Variants in TTI1 observed in about 807,000 individuals in gnomAD.
TTI1 encodes the protein TELO2 interacting protein 1.
In TTI1, 52 loss-of-function variants were observed where a neutral mutation model predicts 85.4. The ratio of observed to expected loss-of-function variants is 0.61; its 90% CI spans 0.49 to 0.77. The LOEUF (loss-of-function observed/expected upper bound fraction) is 0.77, where lower values mean the gene tolerates loss of function less well. Among genes scored for constraint, TTI1 ranks in the 30% least tolerant of loss-of-function variants. The pLI, the probability that TTI1 is intolerant of heterozygous loss-of-function variation, is 0.00. For missense variants in TTI1, 1,173 were observed against 1,296.0 expected, an observed-to-expected ratio of 0.91 and a Z score of 1.46; for synonymous variants, 512 against 503.9, an observed-to-expected ratio of 1.02 and a Z score of -0.22.
chr20:38,006,815 C>T (rs969601896), intron 2 of TTI1, among the ~76,000 whole-genome samples: 3 of 152,136 alleles, frequency 2.0e-5, no homozygotes, highest in African/African-American at 2.4e-5. Context: ...TATATATTTG[C>T]GTATCTATTT....
chr20:38,000,250 C>T (rs998250419), intron 4 of TTI1, among the ~76,000 whole-genome samples: 5 of 152,074 alleles, frequency 3.3e-5, no homozygotes, highest in Non-Finnish European at 5.9e-5. Flanking sequence ...GAAAGTTGGG[C>T]GGCTAGGGGA....
At chr20:37,997,251 T>TAA (rs200125660) in intron 5 of TTI1, among the ~76,000 whole-genome samples, 18 of 143,358 alleles carry the variant, frequency 1.3e-4, no homozygotes, top group South Asian at 1.1e-3. Flanking sequence ...CCATTTTTGT[T>TAA]AAAAAAAAAA....
rs1358540417 is a variant in TTI1 at position 38,006,292 on chromosome 20, G to A, written c.2408C>T (p.Thr803Ile). The stretch of plus-strand genomic sequence containing the variant: ...CTGTTCGATGTCTTCAGCTGTGGTG[G>A]TGCTCTTCTCAAGAGCTGCTGGTCT... Reference protein sequence around the residue: ...NQRPAALEKSTTTAEDIEQFL... With the variant: ...NQRPAALEKSITTAEDIEQFL... The change falls in exon 3 of 8, where the codon ACC (threonine) becomes ATC (isoleucine). Residue 803 changes from threonine to isoleucine, a missense_variant. Thr to Ile is a moderately conservative substitution (Grantham distance 89). Transcript: ENST00000373447. The A allele has an allele frequency of 3.7e-6, 6 of 1,614,008 alleles. No individual in the cohort carries two copies. Among genetic ancestry groups the A allele is most frequent in the South Asian group, 1.1e-5 (1 of 91,072 alleles).
intron 1 of TTI1, among the ~76,000 whole-genome samples, chr20:38,018,536 C>A (rs532961591): frequency 6.6e-6 from 1 of 152,032 alleles, no homozygotes; most frequent in Admixed American, 6.5e-5. Flanking sequence ...AGAAGCAATA[C>A]TAAAATGTTC....
At chr20:38,011,154 A>G (rs895755805) in intron 2 of TTI1, among the ~76,000 whole-genome samples, 2 of 152,244 alleles carry the variant, frequency 1.3e-5, no homozygotes, top group Non-Finnish European at 2.9e-5. Flanking sequence ...GCAGTTTGCT[A>G]TACTGGAAAG....
intron 3 of TTI1, among the ~76,000 whole-genome samples, chr20:38,003,388 G>A (rs2073452899): frequency 6.6e-6 from 1 of 152,082 alleles, no homozygotes; most frequent in African/African-American, 2.4e-5. Context: ...ATGAGAGGAA[G>A]TACAGCAAAA....
At chr20:38,021,602 T>C (rs1172888909) in intron 1 of TTI1, among the ~76,000 whole-genome samples, 6 of 152,178 alleles carry the variant, frequency 3.9e-5, no homozygotes, top group Non-Finnish European at 1.5e-5. Flanking sequence ...AACATAAGCA[T>C]GAGCAAACAG....
intron 1 of TTI1, among the ~76,000 whole-genome samples, 158 bp downstream of exon 1, chr20:38,033,244 CAT>C (rs1266506589): frequency 6.6e-6 from 1 of 152,156 alleles, no homozygotes; most frequent in Non-Finnish European, 1.5e-5. Flanking sequence ...GAGCCGAACA[CAT>C]ATGGAGGAAA....
At chr20:38,026,786 C>T (rs2073841670) in intron 1 of TTI1, among the ~76,000 whole-genome samples, 1 of 152,182 alleles carries the variant, frequency 6.6e-6, no homozygotes, top group Non-Finnish European at 1.5e-5. Context: ...TTTCCTTATC[C>T]TCTTGAGTTT....
At position 37,996,368 on chromosome 20, in the gene TTI1, G is replaced by A. The variant is rs745996457; in HGVS notation, c.3086+7C>T. 1.2e-6 allele frequency: 2 copies of A among 1,614,100 alleles called. No homozygotes were observed. Among genetic ancestry groups the A allele is most frequent in the Non-Finnish European group, 1.7e-6 (2 of 1,179,984 alleles). On this transcript the variant is annotated splice_region_variant and intron_variant, in intron 7 of 7. Transcript: ENST00000373447. The stretch of plus-strand genomic sequence containing the variant: ...GTAAAGGGATGCGGGTGATCAGGCA[G>A]ACGTACCTCCTGGCAGCCTCTTGTA...
intron 4 of TTI1, among the ~76,000 whole-genome samples, chr20:38,002,324 T>A (rs1035650900): frequency 7.2e-5 from 11 of 152,186 alleles, no homozygotes; most frequent in Non-Finnish European, 1.5e-4. Flanking sequence ...ACCTGCATCC[T>A]ACATAGCTGA....
chr20:38,030,220 G>C (rs945804483), intron 1 of TTI1, among the ~76,000 whole-genome samples: 15 of 150,080 alleles, frequency 1.0e-4, no homozygotes, highest in African/African-American at 3.4e-4. Context: ...AGGGAAGGAA[G>C]GGAGGGAGGG....
chr20:38,020,319 AAAAAATATATATATATAT>A (rs1450639183), intron 1 of TTI1, among the ~76,000 whole-genome samples: 2 of 44,166 alleles, frequency 4.5e-5, no homozygotes, highest in African/African-American at 2.5e-4. Flanking sequence ...TGAAAAAAAA[AAAAAATATATATATATAT>A]ATATATATAT....
intron 1 of TTI1, among the ~76,000 whole-genome samples, chr20:38,026,934 A>T (rs1009487397): frequency 2.6e-5 from 4 of 152,258 alleles, no homozygotes; most frequent in Admixed American, 2.0e-4. Flanking sequence ...TAAAGTTTCT[A>T]TACTTTGCTA....
chr20:37,987,363 T>A (rs2073204746), intron 7 of TTI1: 1 of 456,618 alleles, frequency 2.2e-6, no homozygotes, highest in African/African-American at 2.0e-5. Context: ...GCCTGGAAAA[T>A]GTTCCCAATA....
In TTI1 at chr20:37,996,440, C is replaced by T; in HGVS notation, c.3021G>A (p.Val1007=). 11 of 1,613,952 alleles carry T rather than the reference C, an allele frequency of 6.8e-6. No homozygotes were observed. Among genetic ancestry groups the T allele is most frequent in the Non-Finnish European group, 8.5e-6 (10 of 1,180,030 alleles). The part of the protein sequence containing the change: ...LDLGEGDLNK[V]ADACLIYLSV... Reference sequence around the variant, plus strand: ...TGAGGTAAATCAAGCAGGCATCAGCCACTTTATTCAGGTCACCCTCACCTG... The same window carrying T: ...TGAGGTAAATCAAGCAGGCATCAGCTACTTTATTCAGGTCACCCTCACCTG... The change falls in exon 7 of 8, where the codon GTG becomes GTA. Residue 1007 remains valine (V), a synonymous_variant. Transcript: ENST00000373447.
chr20:37,983,695 G>T (rs2122464920), intron 7 of TTI1, 56 bp from the exon 8 acceptor site: 1 of 1,392,286 alleles, frequency 7.2e-7, no homozygotes, highest in Non-Finnish European at 9.4e-7. Flanking sequence ...GGCGGGGAAT[G>T]CTACAGCCCC....
intron 1 of TTI1, among the ~76,000 whole-genome samples, chr20:38,017,091 G>A (rs2073693257): frequency 1.3e-5 from 2 of 152,112 alleles, no homozygotes; most frequent in Non-Finnish European, 2.9e-5. Flanking sequence ...GACAGTATTT[G>A]GCATGCTGTA....
Position 37,983,518 on chromosome 20 carries a change from C to A in TTI1, c.3208G>T (p.Ala1070Ser). 4.3e-6 allele frequency: 7 copies of A among 1,611,156 alleles called. No homozygotes were observed. Among genetic ancestry groups the A allele is most frequent in the African/African-American group, 2.7e-5 (2 of 74,658 alleles). The change falls in exon 8 of 8, where the codon GCC becomes TCC. Residue 1070 changes from alanine (A) to serine (S), a missense_variant. Ala to Ser is a moderately conservative substitution (Grantham distance 99). Coordinates refer to ENST00000373447, the MANE Select transcript of TTI1 (RefSeq NM_001303457.2). ...GTGTAGGGGTTCTGCTGCCCGCTGG[C>A]CCCGTGCAGCTGCACAGGGTGGAGG... Reference protein sequence around the residue: ...PSLHPVQLHGASGQQNPYTTN... With the variant: ...PSLHPVQLHGSSGQQNPYTTN...
Sources: allele counts gnomAD v4.1 joint callset (sites outside exome capture counted in the v4.1 genomes callset), GRCh38; gene constraint gnomAD v4.1.1; transcripts MANE v1.5; gene names NCBI Gene and HGNC (gene_info 2026-07-23, HGNC 2026-07-21).